Variants in CSDE1 observed in about 807,000 individuals in gnomAD.
CSDE1 encodes the protein cold shock domain-containing protein E1.
In CSDE1, 17 loss-of-function variants were observed where a neutral mutation model predicts 89.3. That is an observed-to-expected ratio of 0.19 (90% confidence interval 0.13 to 0.29). CSDE1 has a LOEUF of 0.29. CSDE1 is among the 10% of genes least tolerant of loss of function. The pLI, the probability that CSDE1 is intolerant of heterozygous loss-of-function variation, is 1.00. For synonymous variants in CSDE1, 322 were observed against 332.8 expected, an observed-to-expected ratio of 0.97 and a Z score of 0.35; for missense variants, 672 against 984.2, an observed-to-expected ratio of 0.68 and a Z score of 4.24.
Position 114,718,628 on chromosome 1 carries a change from T to C in CSDE1, c.2334A>G (p.Gly778=). The change falls in exon 19 of 20, where the codon GGA becomes GGG. Residue 778 remains glycine (G), a synonymous_variant. Coordinates refer to ENST00000358528, the MANE Select transcript of CSDE1 (RefSeq NM_001007553.3). The part of the protein sequence containing the change: ...PRLMVLRQPR[G]PDNSMGFGAE... The stretch of plus-strand genomic sequence containing the variant: ...GCCCTCATACCATTGAGTTATCTGG[T>C]CCCCTTGGCTGACGAAGAACCATTA... 6.2e-7 allele frequency: 1 copy of C among 1,614,062 alleles called. No individual in the cohort carries two copies. The highest frequency in any genetic ancestry group is 8.5e-7 in the Non-Finnish European group (1 of 1,179,970).
chr1:114,754,016 A>C (rs1407144040), intron 1 of CSDE1, among the ~76,000 whole-genome samples: 3 of 152,020 alleles, frequency 2.0e-5, no homozygotes, highest in African/African-American at 7.2e-5. Context: ...TAAGTAATCA[A>C]CTCCTTTTCC....
At position 114,726,964 on chromosome 1, in the gene CSDE1, A is replaced by C; in HGVS notation, c.1464+19T>G. The C allele has an allele frequency of 6.5e-7, 1 of 1,529,032 alleles. No homozygotes were observed. Among genetic ancestry groups the C allele is most frequent in the Non-Finnish European group, 9.1e-7 (1 of 1,103,112 alleles). The allele number at this position is 1,529,032 out of a possible 1,614,324, so 94.7% of individuals were successfully genotyped here. ...ATGACAACTCTTAACCCTCTCTCGA[A>C]TGAGCAGAATTATCTTGCCTTATCT... On this transcript the variant is annotated intron_variant, in intron 13 of 19. Coordinates refer to ENST00000358528, the MANE Select transcript of CSDE1 (RefSeq NM_001007553.3).
intron 2 of CSDE1, among the ~76,000 whole-genome samples, chr1:114,744,379 G>C (rs1181680376): frequency 2.0e-5 from 3 of 152,098 alleles, no homozygotes; most frequent in Admixed American, 2.0e-4. Flanking sequence ...CCAGGAATTT[G>C]AGACCAGCCT....
intron 12 of CSDE1, among the ~76,000 whole-genome samples, chr1:114,728,655 C>G (rs560083244): frequency 6.6e-6 from 1 of 152,150 alleles, no homozygotes; most frequent in Non-Finnish European, 1.5e-5. Context: ...AAAATAAGCC[C>G]AACTGAAGTG....
chr1:114,739,646 A>G, intron 3 of CSDE1, 46 bp downstream of exon 3: 1 of 1,531,936 alleles, frequency 6.5e-7, no homozygotes, highest in Middle Eastern at 1.7e-4. Context: ...GATATGCAAG[A>G]CAAATTTTGT....
chr1:114,754,256 G>A (rs1661469945), intron 1 of CSDE1, among the ~76,000 whole-genome samples: 1 of 152,122 alleles, frequency 6.6e-6, no homozygotes, highest in Admixed American at 6.5e-5. Context: ...GCCCCCCAAA[G>A]TGCTGGGATT....
At chr1:114,734,404 G>A in intron 7 of CSDE1, 38 bp downstream of exon 7, 1 of 1,556,898 alleles carries the variant, frequency 6.4e-7, no homozygotes, top group South Asian at 1.2e-5. Flanking sequence ...ATTTCAAGTG[G>A]CCAAAGAAAA....
intron 2 of CSDE1, among the ~76,000 whole-genome samples, chr1:114,744,733 C>G (rs576568669): frequency 2.4e-4 from 36 of 149,964 alleles, no homozygotes; most frequent in African/African-American, 8.5e-4. Context: ...TCTGATTATA[C>G]AAAAAGCACA....
chr1:114,718,219 G>A lies in CSDE1; in HGVS notation c.2350-3C>T, dbSNP rs1277708117. 1.2e-6 allele frequency: 2 copies of A among 1,611,638 alleles called. No individual in the cohort carries two copies. Among genetic ancestry groups the A allele is most frequent in the Non-Finnish European group, 1.7e-6 (2 of 1,179,356 alleles). On this transcript the variant is annotated splice_region_variant and splice_polypyrimidine_tract_variant and intron_variant, in intron 19 of 19. Coordinates refer to ENST00000358528, the MANE Select transcript of CSDE1 (RefSeq NM_001007553.3). ...ATCTTTCTTTCTGCACCAAACCCCTGTGGGGGGGAGAAAAAAAAAACCCTG... is the reference window on the plus strand; with the variant it reads ...ATCTTTCTTTCTGCACCAAACCCCTATGGGGGGGAGAAAAAAAAAACCCTG...
Position 114,734,004 on chromosome 1 carries a change from T to C in CSDE1, c.696A>G (p.Thr232=), listed in dbSNP as rs200073597. ...TLQPGDDVEF[T]IKDRNGKEVA... ...ACTGTCTTACATTTCTGTCCTTGAT[T>C]GTGAATTCCACATCATCGCCAGGCT... The change falls in exon 8 of 20, where the codon ACA becomes ACG. Residue 232 remains threonine (T), a synonymous_variant. Coordinates refer to ENST00000358528, the MANE Select transcript of CSDE1 (RefSeq NM_001007553.3). The C allele has an allele frequency of 6.2e-7, 1 of 1,612,896 alleles. No homozygotes were observed. The highest frequency in any genetic ancestry group is 8.5e-7 in the Non-Finnish European group (1 of 1,179,772).
intron 1 of CSDE1, among the ~76,000 whole-genome samples, chr1:114,755,081 ACAGG>A (rs944585212): frequency 1.3e-5 from 2 of 152,226 alleles, no homozygotes; most frequent in African/African-American, 2.4e-5. Context: ...GTTATTCTCT[ACAGG>A]CAATCAATGT....
intron 1 of CSDE1, among the ~76,000 whole-genome samples, chr1:114,753,340 T>G (rs1381846638): frequency 1.3e-5 from 2 of 152,208 alleles, no homozygotes; most frequent in Non-Finnish European, 2.9e-5. Context: ...TGAGGTCTAT[T>G]AGGAGCTATT....
intron 15 of CSDE1, chr1:114,724,365 T>C: frequency 5.3e-6 from 1 of 189,624 alleles, no homozygotes; most frequent in Non-Finnish European, 1.1e-5. Context: ...ACTTACATAC[T>C]GTCCTGATTC....
At chr1:114,736,610 A>T in intron 6 of CSDE1, 148 bp downstream of exon 6, 1 of 574,348 alleles carries the variant, frequency 1.7e-6, no homozygotes, top group East Asian at 2.8e-5. Context: ...TACAATATTC[A>T]TAGACCTCAA....
chr1:114,731,357 C>T lies in CSDE1; in HGVS notation c.1051-709G>A, dbSNP rs151243927. Reference sequence around the variant, plus strand: ...AGTAGCCAAGTTATATTTTCCATACCGTAAAGCAAAACAGATCTTGCCTTT... The same window carrying T: ...AGTAGCCAAGTTATATTTTCCATACTGTAAAGCAAAACAGATCTTGCCTTT... On this transcript the variant is annotated intron_variant, in intron 10 of 19. Coordinates refer to ENST00000358528, the MANE Select transcript of CSDE1 (RefSeq NM_001007553.3). 1.1e-3 allele frequency among the ~76,000 whole-genome samples: 171 copies of T among 149,478 alleles called. 2 individuals are homozygous for T. Among genetic ancestry groups the T allele is most frequent in the African/African-American group, 3.9e-3 (156 of 40,428 alleles).
intron 17 of CSDE1, among the ~76,000 whole-genome samples, chr1:114,719,955 T>C (rs1189179862): frequency 1.3e-5 from 2 of 152,228 alleles, no homozygotes; most frequent in African/African-American, 4.8e-5. Flanking sequence ...AAATAAAACT[T>C]GCCTTGTTCC....
chr1:114,739,221 C>T (rs1003137483), intron 3 of CSDE1, among the ~76,000 whole-genome samples: 2 of 151,836 alleles, frequency 1.3e-5, no homozygotes, highest in Non-Finnish European at 2.9e-5. Context: ...TTAGTAGAGA[C>T]GGGGTTTCAC....
At chr1:114,753,924 C>T (rs1201896236) in intron 1 of CSDE1, among the ~76,000 whole-genome samples, 4 of 152,058 alleles carry the variant, frequency 2.6e-5, no homozygotes, top group African/African-American at 7.3e-5. Context: ...TCAAAACAAT[C>T]GCCCCCACAA....
At chr1:114,722,935 C>T (rs1346481968) in intron 16 of CSDE1, among the ~76,000 whole-genome samples, 1 of 152,286 alleles carries the variant, frequency 6.6e-6, no homozygotes, top group Non-Finnish European at 1.5e-5. Flanking sequence ...CTATTCAGCA[C>T]TTTATGTTCG....
Sources: allele counts gnomAD v4.1 joint callset (sites outside exome capture counted in the v4.1 genomes callset), GRCh38; gene constraint gnomAD v4.1.1; transcripts MANE v1.5; gene names NCBI Gene and HGNC (gene_info 2026-07-23, HGNC 2026-07-21).